Variants in XPO4 observed in about 807,000 individuals in gnomAD.
XPO4 encodes exportin-4.
Under a neutral mutation model 143.0 loss-of-function variants are expected in XPO4, and 39 were observed. That is an observed-to-expected ratio of 0.27 (90% CI 0.21 to 0.36). The LOEUF (loss-of-function observed/expected upper bound fraction) is 0.36, where lower values mean the gene tolerates loss of function less well. Ranked by LOEUF, XPO4 falls within the 10% of genes least tolerant of loss-of-function variation. XPO4 has a pLI of 1.00. For missense variants in XPO4, 907 were observed against 1,348.0 expected, an observed-to-expected ratio of 0.67 and a Z score of 5.12; for synonymous variants, 439 against 474.0, an observed-to-expected ratio of 0.93 and a Z score of 0.96.
chr13:20,840,678 G>T (rs9509395), intron 6 of XPO4, among the ~76,000 whole-genome samples: 55,294 of 152,020 alleles, frequency 0.36, 11,463 homozygotes, highest in Non-Finnish European at 0.48. Context: ...TCAGAATTGA[G>T]TTCCTTGAAA....
chr13:20,820,642 A>C (rs1166543125), intron 9 of XPO4, among the ~76,000 whole-genome samples: 2 of 152,344 alleles, frequency 1.3e-5, no homozygotes, highest in South Asian at 4.1e-4. Context: ...GAAACATTCA[A>C]CTGTACATAT....
chr13:20,838,142 A>G (rs1174382792), intron 6 of XPO4, among the ~76,000 whole-genome samples: 1 of 152,218 alleles, frequency 6.6e-6, no homozygotes, highest in Non-Finnish European at 1.5e-5. Context: ...ACACTGTAAT[A>G]CAAGCTATTA....
At chr13:20,868,464 A>G in intron 2 of XPO4, 132 bp downstream of exon 2, 1 of 1,318,438 alleles carries the variant, frequency 7.6e-7, no homozygotes, top group South Asian at 1.8e-5. Context: ...CAGTAGAATG[A>G]TTATTAATTT....
intron 17 of XPO4, 54 bp from the exon 18 acceptor site, chr13:20,796,310 A>AC: frequency 7.6e-7 from 1 of 1,312,342 alleles, no homozygotes; most frequent in Non-Finnish European, 1.0e-6. Context: ...GACATTAAAA[A>AC]AATTTTAAAA....
intron 2 of XPO4, chr13:20,866,201 G>A: frequency 1.0e-6 from 1 of 985,168 alleles, no homozygotes; most frequent in Non-Finnish European, 1.2e-6. Flanking sequence ...GTGCTCTTCT[G>A]ACAAAATGCA....
chr13:20,815,901 T>C (rs1026641715), intron 9 of XPO4, among the ~76,000 whole-genome samples: 2 of 152,188 alleles, frequency 1.3e-5, no homozygotes. Context: ...CATCTGCTTA[T>C]AGACTCACTT....
At chr13:20,899,580 A>C (rs1480573344) in intron 1 of XPO4, among the ~76,000 whole-genome samples, 4 of 152,138 alleles carry the variant, frequency 2.6e-5, no homozygotes. Flanking sequence ...TATTACTAAA[A>C]ATGTACATTT....
intron 4 of XPO4, chr13:20,852,083 T>C: frequency 1.0e-6 from 1 of 985,396 alleles, no homozygotes; most frequent in East Asian, 1.1e-4. Flanking sequence ...ACAAGCTACT[T>C]GTAGGGGGTG....
intron 18 of XPO4, among the ~76,000 whole-genome samples, chr13:20,791,995 C>T (rs2059286061): frequency 6.6e-6 from 1 of 152,184 alleles, no homozygotes; most frequent in African/African-American, 2.4e-5. Context: ...CCCCAGCCTG[C>T]TCTGGAGCAG....
intron 1 of XPO4, among the ~76,000 whole-genome samples, chr13:20,890,755 C>T (rs1275113519): frequency 7.0e-6 from 1 of 142,050 alleles, no homozygotes. Flanking sequence ...GCCGAGATTG[C>T]GCAACTGCAC....
intron 3 of XPO4, among the ~76,000 whole-genome samples, chr13:20,857,509 C>T (rs1043358644): frequency 6.6e-6 from 1 of 151,810 alleles, no homozygotes; most frequent in Admixed American, 6.6e-5. Flanking sequence ...AGGCGGATTA[C>T]GAGGTCAGGA....
At chr13:20,795,599 C>T (rs2059347705) in intron 18 of XPO4, among the ~76,000 whole-genome samples, 1 of 152,184 alleles carries the variant, frequency 6.6e-6, no homozygotes. Flanking sequence ...TTCCAAGCCA[C>T]ACTCTGGAAA....
At chr13:20,859,197 G>A (rs1025045565) in intron 3 of XPO4, among the ~76,000 whole-genome samples, 5 of 151,852 alleles carry the variant, frequency 3.3e-5, no homozygotes, top group East Asian at 3.9e-4. Context: ...GGCTGGGCAC[G>A]GTGGCTCACA....
At chr13:20,817,236 T>C (rs927200140) in intron 9 of XPO4, among the ~76,000 whole-genome samples, 1 of 152,220 alleles carries the variant, frequency 6.6e-6, no homozygotes, top group Non-Finnish European at 1.5e-5. Flanking sequence ...CAATCTGTAA[T>C]TTGGCTTCAA....
intron 1 of XPO4, among the ~76,000 whole-genome samples, chr13:20,888,854 G>A (rs1256302180): frequency 6.6e-6 from 1 of 151,514 alleles, no homozygotes; most frequent in African/African-American, 2.4e-5. Context: ...CCAAGCTGGA[G>A]TGCAATGGTG....
At chr13:20,883,404 C>A (rs776453535) in intron 1 of XPO4, among the ~76,000 whole-genome samples, 1 of 152,174 alleles carries the variant, frequency 6.6e-6, no homozygotes, top group Non-Finnish European at 1.5e-5. Context: ...ACTGATATCA[C>A]AGTGAAACTG....
intron 2 of XPO4, among the ~76,000 whole-genome samples, chr13:20,864,488 T>C (rs1307541201): frequency 1.3e-5 from 2 of 152,128 alleles, no homozygotes; most frequent in African/African-American, 4.8e-5. Flanking sequence ...CTGAAGACCA[T>C]CTAAATCAAT....
intron 1 of XPO4, among the ~76,000 whole-genome samples, chr13:20,874,797 A>T (rs1160832875): frequency 6.6e-6 from 1 of 152,322 alleles, no homozygotes; most frequent in Non-Finnish European, 1.5e-5. Context: ...GTTCGAGACC[A>T]GCCTGACCAA....
chr13:20,851,727 A>G (rs3907776), intron 4 of XPO4: 60,661 of 852,308 alleles, frequency 0.071, 1,953 homozygotes, highest in East Asian at 0.42. Context: ...AAAAAAAAAA[A>G]AAAGAAAGAA....
Sources: gnomAD v4.1 joint callset for allele counts (sites outside exome capture counted in the v4.1 genomes callset) on GRCh38, gnomAD v4.1.1 for gene constraint, MANE v1.5 for transcripts, NCBI Gene and HGNC (gene_info 2026-07-23, HGNC 2026-07-21) for gene names.